The following MAP2 variants were observed in gnomAD, a reference collection of about 807,000 sequenced individuals.
MAP2 encodes microtubule associated protein 2.
MAP2 carries 14 observed loss-of-function variants against 137.6 expected under a neutral mutation model. The ratio of observed to expected loss-of-function variants is 0.10; its 90% confidence interval spans 0.07 to 0.16. The LOEUF is 0.16. Among genes scored for constraint, MAP2 ranks in the 10% least tolerant of loss-of-function variants. The probability of loss-of-function intolerance (pLI) is 1.00; values close to 1 mark genes in which losing one functional copy is unlikely to be tolerated. For synonymous variants in MAP2, 786 were observed against 782.3 expected (o/e 1.00, Z -0.08); for missense variants, 2,088 against 2,191.5 (o/e 0.95, Z 0.94).
intron 5 of MAP2, among the ~76,000 whole-genome samples, chr2:209,674,186 A>G (rs1583064105): frequency 6.6e-6 from 1 of 151,914 alleles, no homozygotes; most frequent in Non-Finnish European, 1.5e-5. Flanking sequence ...TCAGATGGTT[A>G]TAATAACAAT....
chr2:209,692,811 A>G lies in MAP2; in HGVS notation c.641A>G (p.Gln214Arg), dbSNP rs749422171. ...ACTTACCCTGATAAAAAGGACATGC[A>G]AGGCACGGAAGAAGAAAAAGCACCC... ...TKTYPDKKDM[Q>R]GTEEEKAPLA... The change falls in exon 8 of 16, where the codon CAA becomes CGA. Residue 214 changes from glutamine to arginine, a missense_variant. Gln to Arg is a conservative substitution (Grantham distance 43). This residue lies in a region of MAP2 where 859 missense variants were observed against 794.5 expected (regional missense o/e 1.08). Transcript: ENST00000682079. The G allele has an allele frequency of 6.2e-7, 1 of 1,612,932 alleles. No homozygotes were observed. The highest frequency in any genetic ancestry group is 1.1e-5 in the South Asian group (1 of 90,862).
intron 3 of MAP2, among the ~76,000 whole-genome samples, chr2:209,619,202 T>A (rs961597390): frequency 5.3e-5 from 8 of 152,060 alleles, no homozygotes; most frequent in South Asian, 4.1e-4. Flanking sequence ...ATTCAAGAGA[T>A]CTATTATACA....
chr2:209,707,254 A>G (rs996527785), intron 12 of MAP2, among the ~76,000 whole-genome samples: 12 of 152,184 alleles, frequency 7.9e-5, no homozygotes, highest in Non-Finnish European at 1.6e-4. Context: ...TTCAGCACCA[A>G]TTCTATTTTG....
intron 1 of MAP2, among the ~76,000 whole-genome samples, chr2:209,454,582 C>T (rs977651904): frequency 1.1e-4 from 17 of 152,140 alleles, no homozygotes. Flanking sequence ...AGTGATCCAT[C>T]CACCTTGGCC....
At chr2:209,532,546 T>C (rs1250247268) in intron 2 of MAP2, among the ~76,000 whole-genome samples, 1 of 152,164 alleles carries the variant, frequency 6.6e-6, no homozygotes, top group Non-Finnish European at 1.5e-5. Flanking sequence ...TGGGACTGGA[T>C]TCAAGTTGAG....
intron 2 of MAP2, among the ~76,000 whole-genome samples, chr2:209,549,846 T>A (rs1343271263): frequency 6.6e-6 from 1 of 152,204 alleles, no homozygotes; most frequent in Non-Finnish European, 1.5e-5. Flanking sequence ...TTCTGCCTTG[T>A]TAAACACTTT....
chr2:209,707,757 G>A (rs1343829242), intron 12 of MAP2, among the ~76,000 whole-genome samples: 13 of 152,050 alleles, frequency 8.5e-5, no homozygotes, highest in Admixed American at 7.9e-4. Context: ...GCAGTGTGAA[G>A]GCCTTAATAT....
chr2:209,598,194 T>C (rs2081878164), intron 3 of MAP2, among the ~76,000 whole-genome samples: 2 of 151,452 alleles, frequency 1.3e-5, no homozygotes, highest in South Asian at 4.2e-4. Context: ...TTAGTAGAGA[T>C]GGGGGTTTCA....
At chr2:209,429,041 C>A (rs960961643) in intron 1 of MAP2, among the ~76,000 whole-genome samples, 5 of 151,936 alleles carry the variant, frequency 3.3e-5, no homozygotes, top group African/African-American at 9.7e-5. Flanking sequence ...GCAAGCTCCG[C>A]CCCCCGGGTT....
At chr2:209,650,226 C>T (rs2094694655) in intron 4 of MAP2, among the ~76,000 whole-genome samples, 1 of 152,138 alleles carries the variant, frequency 6.6e-6, no homozygotes, top group African/African-American at 2.4e-5. Flanking sequence ...AAAGTACAAA[C>T]CTAAATATTT....
At chr2:209,499,785 A>C (rs2060170121) in intron 1 of MAP2, among the ~76,000 whole-genome samples, 1 of 152,038 alleles carries the variant, frequency 6.6e-6, no homozygotes, top group African/African-American at 2.4e-5. Flanking sequence ...GGGGAGGAAA[A>C]GGAGAGGGAG....
intron 1 of MAP2, among the ~76,000 whole-genome samples, chr2:209,487,470 A>T (rs1028217075): frequency 4.5e-4 from 68 of 152,320 alleles, no homozygotes; most frequent in African/African-American, 1.6e-3. Context: ...TGTGGTATTA[A>T]TCTTAAAAGC....
chr2:209,538,890 C>A (rs970073253), intron 2 of MAP2, among the ~76,000 whole-genome samples: 1 of 151,950 alleles, frequency 6.6e-6, no homozygotes, highest in Non-Finnish European at 1.5e-5. Flanking sequence ...ATCATTGTTG[C>A]TTTTAAGTTA....
intron 5 of MAP2, among the ~76,000 whole-genome samples, chr2:209,653,737 A>G (rs149624498): frequency 2.0e-5 from 3 of 152,306 alleles, no homozygotes; most frequent in South Asian, 2.1e-4. Context: ...AACTTTACAA[A>G]TAGTTTTTTT....
At chr2:209,677,664 T>C (rs2052564718) in intron 5 of MAP2, among the ~76,000 whole-genome samples, 1 of 152,080 alleles carries the variant, frequency 6.6e-6, no homozygotes. Context: ...ATTTCTTCCA[T>C]TGTTCTGCTT....
At chr2:209,484,417 C>T (rs1363159242) in intron 1 of MAP2, among the ~76,000 whole-genome samples, 1 of 152,106 alleles carries the variant, frequency 6.6e-6, no homozygotes, top group Admixed American at 6.5e-5. Flanking sequence ...GATGGCGAGG[C>T]GCAGTGGCTC....
At position 209,692,786 on chromosome 2, in the gene MAP2, A is replaced by C; in HGVS notation, c.616A>C (p.Thr206Pro). Residue 206 changes from threonine (T) to proline (P), a missense_variant, in exon 8 of 16, where the codon ACT becomes CCT. Coordinates refer to ENST00000682079, the MANE Select transcript of MAP2 (RefSeq NM_001375505.1). Reference protein sequence around the residue: ...ALVSQPETTKTYPDKKDMQGT... With the variant: ...ALVSQPETTKPYPDKKDMQGT... Reference sequence around the variant, plus strand: ...AGTTTCTCAGCCAGAGACAACTAAAACTTACCCTGATAAAAAGGACATGCA... The same window carrying C: ...AGTTTCTCAGCCAGAGACAACTAAACCTTACCCTGATAAAAAGGACATGCA... 6.2e-7 allele frequency: 1 copy of C among 1,614,006 alleles called. No individual in the cohort carries two copies.
chr2:209,634,681 C>T (rs2093405170), intron 4 of MAP2, among the ~76,000 whole-genome samples: 1 of 152,084 alleles, frequency 6.6e-6, no homozygotes, highest in African/African-American at 2.4e-5. Flanking sequence ...GGTTAGCAGT[C>T]TCTGTTATAC....
At chr2:209,526,791 G>A (rs560439970) in intron 2 of MAP2, among the ~76,000 whole-genome samples, 23 of 151,528 alleles carry the variant, frequency 1.5e-4, no homozygotes, top group African/African-American at 5.3e-4. Context: ...CGGCATCCCT[G>A]TTTTCTGATG....
Sources: gnomAD v4.1 joint callset for allele counts (sites outside exome capture counted in the v4.1 genomes callset) on GRCh38, gnomAD v4.1.1 for gene constraint, gnomAD v4.1.1 regional missense constraint, MANE v1.5 for transcripts, NCBI Gene and HGNC (gene_info 2026-07-23, HGNC 2026-07-21) for gene names.